The following KHDRBS2 variants were observed in gnomAD, a reference collection of about 807,000 sequenced individuals.
KHDRBS2 encodes KH RNA binding domain containing, signal transduction associated 2.
A neutral mutation model predicts 44.3 loss-of-function variants in KHDRBS2; 26 were observed. The ratio of observed to expected loss-of-function variants is 0.59; its 90% CI spans 0.43 to 0.81. The LOEUF (loss-of-function observed/expected upper bound fraction) is 0.81, where lower values mean the gene tolerates loss of function less well. Ranked by LOEUF, KHDRBS2 falls within the 40% of genes least tolerant of loss-of-function variation. The probability of loss-of-function intolerance (pLI) is 0.00; values close to 1 mark genes in which losing one functional copy is unlikely to be tolerated. For synonymous variants in KHDRBS2, 194 were observed against 151.1 expected (o/e 1.28, Z -2.08); for missense variants, 476 against 433.1 (o/e 1.10, Z -0.88).
chr6:61,667,590 T>G, the KHDRBS2 span, among the ~76,000 whole-genome samples: 10 of 151,492 alleles, frequency 6.6e-5, no homozygotes, highest in Admixed American at 5.3e-4. Context: ...AGGTAAAGCC[T>G]GGCTGCTTTT....
chr6:61,937,049 A>G (rs1811155889), intron 4 of KHDRBS2, among the ~76,000 whole-genome samples: 1 of 151,872 alleles, frequency 6.6e-6, no homozygotes, highest in South Asian at 2.1e-4. Flanking sequence ...TCTCTCCCTG[A>G]CTTCCTATTG....
At chr6:62,053,808 T>C (rs1452583257) in intron 2 of KHDRBS2, among the ~76,000 whole-genome samples, 2 of 151,962 alleles carry the variant, frequency 1.3e-5, no homozygotes, top group Non-Finnish European at 2.9e-5. Context: ...TATATAATTA[T>C]ATACATAGAA....
chr6:62,108,451 G>A (rs1357785700), intron 2 of KHDRBS2, among the ~76,000 whole-genome samples: 1 of 152,056 alleles, frequency 6.6e-6, no homozygotes, highest in African/African-American at 2.4e-5. Context: ...GAAACAACAG[G>A]TGCTGGAGAG....
intron 2 of KHDRBS2, among the ~76,000 whole-genome samples, chr6:62,119,090 C>A (rs1806986024): frequency 6.6e-6 from 1 of 152,102 alleles, no homozygotes; most frequent in African/African-American, 2.4e-5. Flanking sequence ...AGATAGATTT[C>A]TTTAGTTGGT....
rs191930910 is a variant in KHDRBS2, at chr6:61,848,333, G to A, written c.810+46302C>T. Among the ~76,000 whole-genome samples, 389 of 149,062 alleles carry A rather than the reference G, an allele frequency of 2.6e-3. 1 individual carries two copies. Among genetic ancestry groups the A allele is most frequent in the African/African-American group, 8.2e-3 (332 of 40,618 alleles). On this transcript the variant is annotated intron_variant, in intron 6 of 8. Transcript: ENST00000281156. ...CAAAATCCTAGAGCTTGAAATACCTGTAGAAAAGTGCTTATGTAAGTGAAC... is the reference window on the plus strand; with the variant it reads ...CAAAATCCTAGAGCTTGAAATACCTATAGAAAAGTGCTTATGTAAGTGAAC...
At position 61,761,494 on chromosome 6, in the gene KHDRBS2, T is replaced by C. The variant is rs969788937; in HGVS notation, c.811-28730A>G. 5.3e-5 allele frequency among the ~76,000 whole-genome samples: 8 copies of C among 152,280 alleles called. No homozygotes were observed. In the South Asian group the frequency reaches 1.0e-3, roughly 20 times the overall value. ...GATTTAGACACACCAACTAATATGT[T>C]CCTGAATATTTACAAAATGGAATTG... is the stretch of plus-strand genomic sequence containing the variant. On this transcript the variant is annotated intron_variant, in intron 6 of 8. Transcript: ENST00000281156.
chr6:61,958,965 C>A (rs778954489), intron 4 of KHDRBS2, among the ~76,000 whole-genome samples: 1 of 152,168 alleles, frequency 6.6e-6, no homozygotes, highest in Non-Finnish European at 1.5e-5. Context: ...GAGGGACAGA[C>A]AATGCTGCAG....
At chr6:62,018,046 ATAAG>A (rs1250550634) in intron 3 of KHDRBS2, among the ~76,000 whole-genome samples, 2 of 151,790 alleles carry the variant, frequency 1.3e-5, no homozygotes, top group African/African-American at 2.4e-5. Context: ...AGTAGTATAA[ATAAG>A]TACTACTAAA....
chr6:62,191,745 A>G (rs1824666047), intron 1 of KHDRBS2, among the ~76,000 whole-genome samples: 1 of 152,102 alleles, frequency 6.6e-6, no homozygotes, highest in Admixed American at 6.6e-5. Context: ...ACTGCTGTTT[A>G]CACCAGAAAA....
At chr6:62,210,222 C>T (rs1186341977) in intron 1 of KHDRBS2, among the ~76,000 whole-genome samples, 1 of 151,888 alleles carries the variant, frequency 6.6e-6, no homozygotes, top group Non-Finnish European at 1.5e-5. Flanking sequence ...GAAGATGTTC[C>T]TCAGAACTCT....
At chr6:62,077,707 G>T (rs1004915837) in intron 2 of KHDRBS2, among the ~76,000 whole-genome samples, 3 of 151,922 alleles carry the variant, frequency 2.0e-5, no homozygotes, top group African/African-American at 7.3e-5. Context: ...ACTGAATGAG[G>T]GCTTGATTAT....
chr6:62,143,595 T>C (rs1417252011), intron 2 of KHDRBS2, among the ~76,000 whole-genome samples: 1 of 151,992 alleles, frequency 6.6e-6, no homozygotes, highest in East Asian at 1.9e-4. Context: ...CTCTTTTCTG[T>C]GGTAAATTTC....
chr6:62,095,620 T>A (rs768335135), intron 2 of KHDRBS2, among the ~76,000 whole-genome samples: 2 of 151,876 alleles, frequency 1.3e-5, no homozygotes, highest in African/African-American at 2.4e-5. Flanking sequence ...CTTATCCCCA[T>A]CATTAAGGGA....
chr6:62,069,944 C>T (rs2127343377), intron 2 of KHDRBS2, among the ~76,000 whole-genome samples: 1 of 151,128 alleles, frequency 6.6e-6, no homozygotes, highest in East Asian at 2.0e-4. Context: ...TGATGGATAC[C>T]CTTTCTCTGG....
intron 6 of KHDRBS2, among the ~76,000 whole-genome samples, chr6:61,736,993 C>T (rs1386205542): frequency 6.6e-6 from 1 of 151,902 alleles, no homozygotes; most frequent in Admixed American, 6.6e-5. Flanking sequence ...CATAGTTTAT[C>T]CCATAGAATA....
In KHDRBS2 at chr6:61,954,367, AT is replaced by A. The variant is rs1241622160; in HGVS notation, c.483+23698del. On this transcript the variant is annotated intron_variant, in intron 4 of 8. Transcript: ENST00000281156. ...GATATACATATGTATGCATACATAT[AT>A]ACGTATGTATGCATGCATACATATA... 1.4e-3 allele frequency among the ~76,000 whole-genome samples: 114 copies of A among 83,700 alleles called. 5 individuals are homozygous for A. The highest frequency in any genetic ancestry group is 3.1e-3 in the African/African-American group (91 of 28,898). 54.9% of individuals were successfully genotyped at this position (83,700 alleles called of 152,430 possible). A position where few individuals can be genotyped will look rare whatever the true frequency, so the allele number is the denominator to read the frequency against.
intron 4 of KHDRBS2, among the ~76,000 whole-genome samples, chr6:61,967,032 T>C (rs1419925307): frequency 1.3e-5 from 2 of 151,214 alleles, no homozygotes; most frequent in African/African-American, 2.4e-5. Context: ...AAATTATGTA[T>C]ATTTTTAACT....
At chr6:62,205,411 T>G (rs1236881053) in intron 1 of KHDRBS2, among the ~76,000 whole-genome samples, 1 of 152,144 alleles carries the variant, frequency 6.6e-6, no homozygotes, top group African/African-American at 2.4e-5. Context: ...ATATCTTTCC[T>G]ATTAGATCCC....
At chr6:62,131,824 T>G (rs1268943392) in intron 2 of KHDRBS2, among the ~76,000 whole-genome samples, 3 of 152,188 alleles carry the variant, frequency 2.0e-5, no homozygotes, top group African/African-American at 4.8e-5. Context: ...ATGTTATACA[T>G]TTAAGGTGTC....
Sources: allele counts gnomAD v4.1 joint callset (sites outside exome capture counted in the v4.1 genomes callset), GRCh38; gene constraint gnomAD v4.1.1; transcripts MANE v1.5; gene names NCBI Gene and HGNC (gene_info 2026-07-23, HGNC 2026-07-21).